MAP4K5: variants seen among roughly 807,000 people sequenced by gnomAD.
MAP4K5 encodes mitogen-activated protein kinase kinase kinase kinase 5.
In MAP4K5, 82 loss-of-function variants were observed where a neutral mutation model predicts 135.6. That is an observed-to-expected ratio of 0.60 (90% CI 0.51 to 0.73). The LOEUF is 0.73. MAP4K5 is among the 30% of genes least tolerant of loss of function. The pLI, the probability that MAP4K5 is intolerant of heterozygous loss-of-function variation, is 0.00. For missense variants in MAP4K5, 907 were observed against 1,010.9 expected (o/e 0.90, Z 1.39); for synonymous variants, 347 against 335.0 (o/e 1.04, Z -0.39).
At chr14:50,438,844 A>G (rs769959522) in intron 23 of MAP4K5, among the ~76,000 whole-genome samples, 14 of 152,096 alleles carry the variant, frequency 9.2e-5, no homozygotes, top group Non-Finnish European at 1.9e-4. Flanking sequence ...CTAAACACAC[A>G]TGTACATGCC....
At chr14:50,469,472 C>T (rs374530905) in intron 9 of MAP4K5, among the ~76,000 whole-genome samples, 16 of 152,064 alleles carry the variant, frequency 1.1e-4, no homozygotes, top group African/African-American at 3.4e-4. Flanking sequence ...AAAGGTTAGA[C>T]TTTATCATGA....
At chr14:50,525,455 T>C (rs2038242600) in intron 2 of MAP4K5, among the ~76,000 whole-genome samples, 1 of 152,202 alleles carries the variant, frequency 6.6e-6, no homozygotes, top group African/African-American at 2.4e-5. Flanking sequence ...TAAACTCTCA[T>C]CCGGATTATT....
chr14:50,474,390 GAA>G (rs765442446), intron 9 of MAP4K5, among the ~76,000 whole-genome samples: 1 of 130,208 alleles, frequency 7.7e-6, no homozygotes, highest in Admixed American at 7.7e-5. Flanking sequence ...CCCTGTCTCA[GAA>G]AAAAAAAAAA....
At chr14:50,501,085 T>C (rs2037696882) in intron 3 of MAP4K5, among the ~76,000 whole-genome samples, 1 of 152,130 alleles carries the variant, frequency 6.6e-6, no homozygotes, top group Non-Finnish European at 1.5e-5. Flanking sequence ...TTATAAATTA[T>C]AAATATTATA....
intron 9 of MAP4K5, chr14:50,471,779 T>A (rs1002019685): frequency 6.6e-6 from 1 of 152,170 alleles, no homozygotes; most frequent in Non-Finnish European, 1.5e-5. Flanking sequence ...CTTTCTAGTT[T>A]CCTTCAGAAA....
chr14:50,478,308 A>T (rs914585130), intron 6 of MAP4K5, among the ~76,000 whole-genome samples: 7 of 151,824 alleles, frequency 4.6e-5, no homozygotes, highest in Non-Finnish European at 8.8e-5. Flanking sequence ...TTCCTGATCA[A>T]TCTGTCTAGA....
chr14:50,427,150 T>C (rs1306737275), intron 30 of MAP4K5, among the ~76,000 whole-genome samples: 1 of 152,186 alleles, frequency 6.6e-6, no homozygotes, highest in Non-Finnish European at 1.5e-5. Flanking sequence ...CAAGAAAAGA[T>C]GGTAGCCTAG....
At chr14:50,433,454 G>C (rs2036020141) in intron 28 of MAP4K5, among the ~76,000 whole-genome samples, 1 of 152,130 alleles carries the variant, frequency 6.6e-6, no homozygotes, top group Admixed American at 6.5e-5. Flanking sequence ...CACAAAAATA[G>C]GCAACTCTAA....
At chr14:50,536,811 G>A (rs1478346845), upstream of MAP4K5, among the ~76,000 whole-genome samples, 1 of 152,174 alleles carries the variant, frequency 6.6e-6, no homozygotes, top group Non-Finnish European at 1.5e-5. Flanking sequence ...AGGGTATCTG[G>A]CAGAAGAAAT....
intron 3 of MAP4K5, among the ~76,000 whole-genome samples, chr14:50,490,727 G>C (rs907921788): frequency 6.6e-6 from 1 of 152,178 alleles, no homozygotes; most frequent in East Asian, 1.9e-4. Flanking sequence ...GGGTCACCTT[G>C]AGGGGCTGGT....
intron 14 of MAP4K5, chr14:50,450,229 G>A (rs1420649499): frequency 6.6e-6 from 1 of 152,044 alleles, no homozygotes; most frequent in Non-Finnish European, 1.5e-5. Flanking sequence ...TTACAGGTGT[G>A]AGCCACCACA....
Position 50,532,030 on chromosome 14 carries a change from G to T in MAP4K5, c.20C>A (p.Pro7His). The T allele has an allele frequency of 6.3e-7, 1 of 1,575,492 alleles. No individual in the cohort carries two copies. The highest frequency in any genetic ancestry group is 8.6e-7 in the Non-Finnish European group (1 of 1,159,088). ...GTTCCGCCTCAGGATGTCCGCGGCA[G>T]GCCGCAGCGGGGCCTCCATCTTCAC... MEAPLR[P>H]AADILRRNPQ... Residue 7 changes from proline (P) to histidine (H), a missense_variant, in exon 2 of 33, where the codon CCT (proline) becomes CAT (histidine). Pro to His is a moderately conservative substitution (Grantham distance 77). Transcript: ENST00000682126.
Position 50,532,497 on chromosome 14 carries a change from G to C in MAP4K5, c.-159C>G, listed in dbSNP as rs2038421959. 1 of 152,614 alleles carries C rather than the reference G, an allele frequency of 6.6e-6. No individual in the cohort carries two copies. Among genetic ancestry groups the C allele is most frequent in the South Asian group, 2.1e-4 (1 of 4,864 alleles). 9.5% of individuals were successfully genotyped at this position (152,614 alleles called of 1,614,324 possible). A position where few individuals can be genotyped will look rare whatever the true frequency, so the allele number is the denominator to read the frequency against. ...CTCCCGCGCGCCGGCCGGCAGCTCC[G>C]GGTTTGCCGTCGCCGCCGCCGCCAC... On this transcript the variant is annotated 5_prime_UTR_variant, in exon 1 of 33. Coordinates refer to ENST00000682126, the MANE Select transcript of MAP4K5 (RefSeq NM_006575.6).
intron 9 of MAP4K5, among the ~76,000 whole-genome samples, chr14:50,471,164 G>A (rs889368198): frequency 1.3e-5 from 2 of 151,984 alleles, no homozygotes; most frequent in African/African-American, 4.8e-5. Context: ...TCTTCCTGAT[G>A]CTCTCCCTCC....
chr14:50,448,899 A>G (rs1223845635), intron 14 of MAP4K5, 67 bp from the exon 15 acceptor site: 1 of 795,370 alleles, frequency 1.3e-6, no homozygotes, highest in Admixed American at 2.3e-5. Context: ...AAATGTAATG[A>G]CAAGTTTGTA....
chr14:50,508,139 A>C (rs1566685223), intron 2 of MAP4K5, among the ~76,000 whole-genome samples: 1 of 152,060 alleles, frequency 6.6e-6, no homozygotes, highest in Non-Finnish European at 1.5e-5. Context: ...GTTGGTTGAA[A>C]GTCTGTTTTA....
chr14:50,559,331 G>A (rs2038804346), intron 1 of MAP4K5: 1 of 152,264 alleles, frequency 6.6e-6, no homozygotes, highest in African/African-American at 2.4e-5. Flanking sequence ...TCTTGAGGTT[G>A]AGGTAGTATA....
intron 1 of MAP4K5, among the ~76,000 whole-genome samples, chr14:50,554,694 T>C (rs2038743924): frequency 6.6e-6 from 1 of 152,202 alleles, no homozygotes; most frequent in South Asian, 2.1e-4. Context: ...GCAAAGAAGT[T>C]ACAGAAAATT....
At chr14:50,457,633 A>G (rs1385772632) in intron 13 of MAP4K5, among the ~76,000 whole-genome samples, 1 of 152,116 alleles carries the variant, frequency 6.6e-6, no homozygotes, top group East Asian at 1.9e-4. Flanking sequence ...ACACTCTCAT[A>G]TATTTCAATG....
Sources: gnomAD v4.1 joint callset for allele counts (sites outside exome capture counted in the v4.1 genomes callset) on GRCh38, gnomAD v4.1.1 for gene constraint, MANE v1.5 for transcripts, NCBI Gene and HGNC (gene_info 2026-07-23, HGNC 2026-07-21) for gene names.